The following SERAC1 variants were observed in gnomAD, a reference collection of about 807,000 sequenced individuals.
SERAC1 encodes protein SERAC1.
SERAC1 carries 36 observed loss-of-function variants against 85.7 expected under a neutral mutation model. That is an observed-to-expected ratio of 0.42 (90% confidence interval 0.32 to 0.55). The LOEUF is 0.55. SERAC1 is among the 20% of genes least tolerant of loss of function. The pLI is 0.11. For synonymous variants in SERAC1, 242 were observed against 265.3 expected (o/e 0.91, Z 0.85); for missense variants, 629 against 796.2 (o/e 0.79, Z 2.53).
chr6:158,147,768 C>CAAAAAAAAAAAAA (rs71027383), intron 5 of SERAC1, among the ~76,000 whole-genome samples: 1 of 68,936 alleles, frequency 1.5e-5, no homozygotes, highest in Non-Finnish European at 2.5e-5. Context: ...GGCTCTGTCT[C>CAAAAAAAAAAAAA]AAAAAAAAAA....
rs1213016976 is a variant in SERAC1 at position 158,147,113 on chromosome 6, CT to C, written c.356-201del. On this transcript the variant is annotated intron_variant, in intron 5 of 16. Coordinates refer to ENST00000647468, the MANE Select transcript of SERAC1 (RefSeq NM_032861.4). The stretch of plus-strand genomic sequence containing the variant: ...ACAGTTATTATGAATACTGTGTGTG[CT>C]TTTTTTTGGATGGGGGGGCAGGGGT... Among the ~76,000 whole-genome samples, 202 of 151,566 alleles carry C rather than the reference CT, an allele frequency of 1.3e-3. 1 individual carries two copies. Among genetic ancestry groups the C allele is most frequent in the African/African-American group, 4.7e-3 (194 of 41,290 alleles).
At chr6:158,165,671 A>C (rs1785582976) in intron 1 of SERAC1, among the ~76,000 whole-genome samples, 1 of 152,182 alleles carries the variant, frequency 6.6e-6, no homozygotes, top group South Asian at 2.1e-4. Flanking sequence ...ATGCTTTTTG[A>C]TTGTAAATGG....
At chr6:158,134,581 C>T (rs1328699887) in intron 8 of SERAC1, among the ~76,000 whole-genome samples, 2 of 151,904 alleles carry the variant, frequency 1.3e-5, no homozygotes, top group Non-Finnish European at 2.9e-5. Context: ...AGAAAAATAA[C>T]CATGTGTTAT....
At chr6:158,156,288 C>T (rs998149666) in intron 2 of SERAC1, among the ~76,000 whole-genome samples, 8 of 152,252 alleles carry the variant, frequency 5.3e-5, no homozygotes, top group Admixed American at 5.2e-4. Context: ...TACACATGCC[C>T]TTTAATCCTT....
At chr6:158,143,820 T>G (rs1047858959) in intron 7 of SERAC1, among the ~76,000 whole-genome samples, 1 of 152,176 alleles carries the variant, frequency 6.6e-6, no homozygotes, top group Non-Finnish European at 1.5e-5. Flanking sequence ...GGGCCTGTTT[T>G]GCCCCAGAAA....
Position 158,119,056 on chromosome 6 carries a change from T to A in SERAC1, c.1281A>T (p.Glu427Asp). 6.2e-7 allele frequency: 1 copy of A among 1,613,710 alleles called. No individual in the cohort carries two copies. ...TGGGCCAGCACGTCGTATATCTGTC[T>A]TCATCCTCCATAGGTTTTTCAATTA... ...QAVIEKPMED[E>D]DRYTTCWPKT... The change falls in exon 12 of 17, where the codon GAA becomes GAT. Residue 427 changes from glutamate to aspartate, a missense_variant. By Grantham distance (45) the Glu-to-Asp change is conservative. Coordinates refer to ENST00000647468, the MANE Select transcript of SERAC1 (RefSeq NM_032861.4). The surrounding 1 kb of genome is among the most constrained non-coding windows in gnomAD (Gnocchi z 4.5).
At chr6:158,139,484 C>A (rs957516850) in intron 8 of SERAC1, among the ~76,000 whole-genome samples, 1 of 152,026 alleles carries the variant, frequency 6.6e-6, no homozygotes, top group Non-Finnish European at 1.5e-5. Context: ...TACAATTCAA[C>A]AACAACAACA....
intron 8 of SERAC1, among the ~76,000 whole-genome samples, chr6:158,133,542 C>T (rs1373631451): frequency 5.3e-5 from 8 of 151,976 alleles, no homozygotes; most frequent in Non-Finnish European, 7.4e-5. Context: ...TGTGCCACCA[C>T]GCCCAGTTAA....
chr6:158,154,582 C>A (rs1387529382), intron 3 of SERAC1, among the ~76,000 whole-genome samples: 3 of 151,956 alleles, frequency 2.0e-5, no homozygotes, highest in African/African-American at 7.3e-5. Flanking sequence ...ATTCCTCCCC[C>A]TAAAAAAAAG....
Position 158,128,217 on chromosome 6 carries a change from C to T in SERAC1, c.906G>A (p.Gln302=). 1 of 1,614,162 alleles carries T rather than the reference C, an allele frequency of 6.2e-7. No homozygotes were observed. The highest frequency in any genetic ancestry group is 8.5e-7 in the Non-Finnish European group (1 of 1,180,008). ...IEANGGLQLL[Q]RLYRLHKDCP... ...AGTCCTTGTGAAGTCGGTACAGCCT[C>T]TGAAGTAGCTGCAGGCCTCCATTTG... Residue 302 remains glutamine (Q), a synonymous_variant, in exon 10 of 17, where the codon CAG becomes CAA. Transcript: ENST00000647468.
intron 8 of SERAC1, among the ~76,000 whole-genome samples, chr6:158,140,017 A>G (rs1784879003): frequency 1.3e-5 from 2 of 152,380 alleles, no homozygotes; most frequent in South Asian, 2.1e-4. Context: ...GTTACTTACC[A>G]TAACACCCAG....
At chr6:158,134,992 C>T (rs1021918919) in intron 8 of SERAC1, among the ~76,000 whole-genome samples, 7 of 152,094 alleles carry the variant, frequency 4.6e-5, no homozygotes, top group African/African-American at 1.2e-4. Context: ...CTGGGAAGGA[C>T]ACAAAATCAC....
chr6:158,111,575 C>T (rs963090745), intron 16 of SERAC1, 73 bp from the exon 17 acceptor site: 85 of 1,215,618 alleles, frequency 7.0e-5, no homozygotes, highest in Non-Finnish European at 8.8e-5. Flanking sequence ...TGAAAGAGGC[C>T]GAATGGGTAG....
chr6:158,144,530 A>T (rs1785006904), intron 6 of SERAC1, 110 bp from the exon 7 acceptor site: 1 of 1,048,060 alleles, frequency 9.5e-7, no homozygotes, highest in Non-Finnish European at 1.4e-6. Context: ...CTGCTCTGCA[A>T]ATTTGTAATC....
At chr6:158,153,306 A>G (rs1785250183) in intron 3 of SERAC1, among the ~76,000 whole-genome samples, 1 of 152,228 alleles carries the variant, frequency 6.6e-6, no homozygotes, top group Admixed American at 6.5e-5. Context: ...ATTTTCGTAT[A>G]GTATGCAATT....
At chr6:158,160,347 A>G (rs1471891755) in intron 1 of SERAC1, among the ~76,000 whole-genome samples, 1 of 152,216 alleles carries the variant, frequency 6.6e-6, no homozygotes, top group Non-Finnish European at 1.5e-5. Context: ...CTCTAGTGCA[A>G]AACACCCCAA....
At chr6:158,149,147 A>T (rs1785145063) in intron 4 of SERAC1, among the ~76,000 whole-genome samples, 193 bp from the exon 5 acceptor site, 1 of 152,022 alleles carries the variant, frequency 6.6e-6, no homozygotes, top group South Asian at 2.1e-4. Flanking sequence ...CCTCGCCACC[A>T]CGCCTGGCTA....
At chr6:158,121,262 G>C (rs1273610498) in intron 10 of SERAC1, among the ~76,000 whole-genome samples, 6 of 152,082 alleles carry the variant, frequency 3.9e-5, no homozygotes, top group Non-Finnish European at 7.4e-5. Flanking sequence ...GAGAGAGATA[G>C]GGTAGAAGAG....
chr6:158,154,195 C>T (rs1168524086), intron 3 of SERAC1, among the ~76,000 whole-genome samples: 2 of 149,116 alleles, frequency 1.3e-5, no homozygotes, highest in African/African-American at 4.9e-5. Context: ...CCTCTGCTCT[C>T]TTCGGGATGT....
Sources: allele counts gnomAD v4.1 joint callset (sites outside exome capture counted in the v4.1 genomes callset), GRCh38; gene constraint gnomAD v4.1.1; non-coding constraint Gnocchi (gnomAD v3.1); transcripts MANE v1.5; gene names NCBI Gene and HGNC (gene_info 2026-07-23, HGNC 2026-07-21).